Variants in NAALADL2 observed in about 807,000 individuals in gnomAD.
NAALADL2 encodes inactive N-acetylated-alpha-linked acidic dipeptidase-like protein 2.
A neutral mutation model predicts 87.2 loss-of-function variants in NAALADL2; 76 were observed. The ratio of observed to expected loss-of-function variants is 0.87; its 90% CI spans 0.72 to 1.05. The LOEUF (loss-of-function observed/expected upper bound fraction) is 1.05, where lower values mean the gene tolerates loss of function less well. Ranked by LOEUF, NAALADL2 falls within the 50% of genes least tolerant of loss-of-function variation. The probability of loss-of-function intolerance (pLI) is 0.00; values close to 1 mark genes in which losing one functional copy is unlikely to be tolerated. For synonymous variants in NAALADL2, 354 were observed against 331.0 expected, an observed-to-expected ratio of 1.07 and a Z score of -0.75; for missense variants, 1,089 against 945.8, an observed-to-expected ratio of 1.15 and a Z score of -1.99.
intron 1 of NAALADL2, among the ~76,000 whole-genome samples, chr3:174,486,799 C>G (rs1717885028): frequency 6.6e-6 from 1 of 151,882 alleles, no homozygotes; most frequent in Non-Finnish European, 1.5e-5. Flanking sequence ...AAATTTTTAG[C>G]CACTTGTGGT....
At chr3:175,533,545 A>C (rs907089341) in intron 9 of NAALADL2, among the ~76,000 whole-genome samples, 14 of 152,130 alleles carry the variant, frequency 9.2e-5, no homozygotes, top group African/African-American at 3.1e-4. Flanking sequence ...GAAGCTGTTT[A>C]TTCTGGCAAA....
At chr3:175,256,674 A>T (rs1560242172) in intron 4 of NAALADL2, 144 bp downstream of exon 4, 2 of 621,856 alleles carry the variant, frequency 3.2e-6, no homozygotes, top group Admixed American at 4.2e-5. Context: ...AGAGGCAGAG[A>T]GTGTCACAGA....
chr3:174,637,288 C>T (rs912452707), intron 2 of NAALADL2, among the ~76,000 whole-genome samples: 1 of 151,794 alleles, frequency 6.6e-6, no homozygotes, highest in Non-Finnish European at 1.5e-5. Flanking sequence ...TAGGTAACAA[C>T]AATGTATTGT....
chr3:174,907,779 A>G (rs934402622), intron 1 of NAALADL2, among the ~76,000 whole-genome samples: 2 of 152,068 alleles, frequency 1.3e-5, no homozygotes, highest in African/African-American at 4.8e-5. Context: ...AGTTTGGCTC[A>G]TTTCTAAGTG....
intron 2 of NAALADL2, among the ~76,000 whole-genome samples, chr3:174,687,401 A>G (rs552945234): frequency 1.2e-4 from 18 of 152,240 alleles, no homozygotes; most frequent in African/African-American, 4.1e-4. Context: ...ACACATTAGT[A>G]TATCAAATGT....
At chr3:174,641,400 G>C (rs1723173912) in intron 2 of NAALADL2, among the ~76,000 whole-genome samples, 1 of 152,100 alleles carries the variant, frequency 6.6e-6, no homozygotes, top group South Asian at 2.1e-4. Context: ...ACAGGACTTA[G>C]CCTGTCATCA....
At chr3:175,586,458 G>GTTCCTGT (rs1720554614) in intron 10 of NAALADL2, among the ~76,000 whole-genome samples, 3 of 152,096 alleles carry the variant, frequency 2.0e-5, no homozygotes, top group African/African-American at 7.2e-5. Context: ...GACTTTAAAT[G>GTTCCTGT]GATGGAAATA....
chr3:175,173,569 A>G (rs370943330), intron 2 of NAALADL2, among the ~76,000 whole-genome samples: 2 of 152,334 alleles, frequency 1.3e-5, no homozygotes, highest in African/African-American at 2.4e-5. Flanking sequence ...AATCTTAAAT[A>G]TGAACCTTTA....
chr3:175,396,151 A>G lies in NAALADL2; in HGVS notation c.1091-51078A>G, dbSNP rs536634876. Among the ~76,000 whole-genome samples, 4 of 152,252 alleles carry G rather than the reference A, an allele frequency of 2.6e-5. No individual in the cohort carries two copies. In the Middle Eastern group the frequency reaches 0.01, roughly 391 times the overall value. On this transcript the variant is annotated intron_variant, in intron 5 of 13. Transcript: ENST00000454872. ...TCTTTCAGTCCATGACCGTCTTCCT[A>G]GGTAACCATATATAGTATGAAAGAT...
chr3:174,731,836 A>G (rs915183280), intron 2 of NAALADL2, among the ~76,000 whole-genome samples: 3 of 152,172 alleles, frequency 2.0e-5, no homozygotes, highest in Non-Finnish European at 4.4e-5. Flanking sequence ...GAGTAGGCCA[A>G]TAAAATCTGG....
At chr3:174,628,334 G>T (rs1168675883) in intron 2 of NAALADL2, among the ~76,000 whole-genome samples, 1 of 151,842 alleles carries the variant, frequency 6.6e-6, no homozygotes, top group East Asian at 1.9e-4. Flanking sequence ...AAAATTAGCT[G>T]GGTGTGGTGG....
intron 1 of NAALADL2, among the ~76,000 whole-genome samples, chr3:174,994,309 G>T (rs965418092): frequency 2.6e-5 from 4 of 152,132 alleles, no homozygotes; most frequent in African/African-American, 9.7e-5. Flanking sequence ...GGATGTGAGG[G>T]TTCTCAGAGA....
chr3:175,471,678 A>G lies in NAALADL2; in HGVS notation c.1573A>G (p.Ile525Val). 5 of 1,567,302 alleles carry G rather than the reference A, an allele frequency of 3.2e-6. No homozygotes were observed. The highest frequency in any genetic ancestry group is 4.4e-6 in the Non-Finnish European group (5 of 1,140,634). Residue 525 changes from isoleucine (I) to valine (V), a missense_variant, in exon 9 of 14, where the codon ATT (isoleucine) becomes GTT (valine). Coordinates refer to ENST00000454872, the MANE Select transcript of NAALADL2 (RefSeq NM_207015.3). ...TCTTCAGAAAAATGTTGTGGCTTAT[A>G]TTAGCCTCCACAGTCCCATAAGGGG... Reference protein sequence around the residue: ...KVLQKNVVAYISLHSPIRGNS... With the variant: ...KVLQKNVVAYVSLHSPIRGNS...
rs555374938 is a variant in NAALADL2 at position 174,723,640 on chromosome 3, C to T, written c.-114-14001C>T. ...GCATGGTGGCGGGCGCCTGTAGTCC[C>T]AGCTGCTTGGAAGGCTGAGGCAGGA... On this transcript the variant is annotated intron_variant, in intron 2 of 3. Coordinates refer to the NAALADL2 transcript ENST00000434257. Among the ~76,000 whole-genome samples the T allele has an allele frequency of 9.1e-4, 137 of 151,228 alleles. 1 individual carries two copies. The highest frequency in any genetic ancestry group is 1.6e-3 in the Non-Finnish European group (106 of 67,854).
At chr3:175,273,876 C>T (rs1434414307) in intron 4 of NAALADL2, among the ~76,000 whole-genome samples, 1 of 151,790 alleles carries the variant, frequency 6.6e-6, no homozygotes, top group Non-Finnish European at 1.5e-5. Flanking sequence ...ACATGCATTG[C>T]TGTTACAGTT....
chr3:175,138,617 T>C (rs1308393776), intron 2 of NAALADL2, among the ~76,000 whole-genome samples: 1 of 149,140 alleles, frequency 6.7e-6, no homozygotes, highest in Non-Finnish European at 1.5e-5. Flanking sequence ...ATTATTATTA[T>C]TATTATTGTT....
intron 3 of NAALADL2, among the ~76,000 whole-genome samples, chr3:174,794,409 A>G (rs1717824250): frequency 6.6e-6 from 1 of 152,132 alleles, no homozygotes; most frequent in African/African-American, 2.4e-5. Context: ...TTTACATTCT[A>G]GGCGTATTAA....
intron 11 of NAALADL2, among the ~76,000 whole-genome samples, chr3:175,671,261 A>T (rs2149844482): frequency 6.6e-6 from 1 of 152,086 alleles, no homozygotes. Flanking sequence ...TGAAATTAAA[A>T]TAACCTCTAA....
At chr3:174,618,018 C>A (rs1180183145) in intron 2 of NAALADL2, among the ~76,000 whole-genome samples, 5 of 151,646 alleles carry the variant, frequency 3.3e-5, no homozygotes, top group Non-Finnish European at 3.0e-5. Flanking sequence ...GGAAGAAATT[C>A]TTTTAGATAT....
Sources: allele counts gnomAD v4.1 joint callset (sites outside exome capture counted in the v4.1 genomes callset), GRCh38; gene constraint gnomAD v4.1.1; transcripts MANE v1.5; gene names NCBI Gene and HGNC (gene_info 2026-07-23, HGNC 2026-07-21).